The following PHACTR3 variants were observed in gnomAD, a reference collection of about 807,000 sequenced individuals.
PHACTR3 encodes protein phosphatase 1, regulatory subunit 123.
A neutral mutation model predicts 66.8 loss-of-function variants in PHACTR3; 16 were observed. The observed-to-expected ratio is 0.24, with a 90% CI of 0.16 to 0.36. The LOEUF (loss-of-function observed/expected upper bound fraction) is 0.36. PHACTR3 is among the 10% of genes least tolerant of loss of function. The pLI, the probability that PHACTR3 is intolerant of heterozygous loss-of-function variation, is 1.00. For synonymous variants in PHACTR3, 323 were observed against 292.1 expected, an observed-to-expected ratio of 1.11 and a Z score of -1.08; for missense variants, 647 against 719.9, an observed-to-expected ratio of 0.90 and a Z score of 1.16.
chr20:59,834,592 AC>A (rs1226799519), intron 8 of PHACTR3, among the ~76,000 whole-genome samples: 2 of 152,068 alleles, frequency 1.3e-5, no homozygotes, highest in Non-Finnish European at 2.9e-5. Flanking sequence ...TGCCTTGATT[AC>A]CCACCCCCAT....
chr20:59,644,288 T>C (rs996483749), intron 1 of PHACTR3, among the ~76,000 whole-genome samples: 1 of 152,210 alleles, frequency 6.6e-6, no homozygotes, highest in African/African-American at 2.4e-5. Flanking sequence ...GGTTATAAAA[T>C]TATTTGATTG....
At chr20:59,593,199 G>A (rs2033235985) in intron 1 of PHACTR3, among the ~76,000 whole-genome samples, 1 of 152,188 alleles carries the variant, frequency 6.6e-6, no homozygotes, top group Non-Finnish European at 1.5e-5. Flanking sequence ...TGGCCATTCT[G>A]ATGGGTGTGC....
chr20:59,846,555 T>C (rs1048237007), intron 12 of PHACTR3, among the ~76,000 whole-genome samples: 1 of 152,170 alleles, frequency 6.6e-6, no homozygotes, highest in African/African-American at 2.4e-5. Context: ...TATTGCAATC[T>C]CAATTTTGTA....
At chr20:59,673,049 G>A (rs148156429) in intron 1 of PHACTR3, among the ~76,000 whole-genome samples, 1 of 152,232 alleles carries the variant, frequency 6.6e-6, no homozygotes, top group African/African-American at 2.4e-5. Context: ...CAATCTGAGG[G>A]CAGGAGGGTA....
intron 2 of PHACTR3, among the ~76,000 whole-genome samples, chr20:59,743,879 C>T (rs2039268104): frequency 6.6e-6 from 1 of 152,256 alleles, no homozygotes; most frequent in East Asian, 1.9e-4. Context: ...TTCCCTACAC[C>T]CTCCCACCAA....
intron 7 of PHACTR3, among the ~76,000 whole-genome samples, chr20:59,786,721 G>T (rs1252755680): frequency 1.3e-5 from 2 of 151,396 alleles, no homozygotes; most frequent in Non-Finnish European, 3.0e-5. Flanking sequence ...TCTCTGTGCA[G>T]TTGACGGGTG....
At chr20:59,801,257 T>C (rs1437054202) in intron 7 of PHACTR3, among the ~76,000 whole-genome samples, 4 of 152,200 alleles carry the variant, frequency 2.6e-5, no homozygotes, top group Non-Finnish European at 5.9e-5. Context: ...GGCAACTCTC[T>C]AGAGGCAGTA....
chr20:59,655,084 T>C (rs6070895), intron 1 of PHACTR3, among the ~76,000 whole-genome samples: 18,056 of 152,106 alleles, frequency 0.12, 1,216 homozygotes, highest in East Asian at 0.25. Context: ...TTTAATTGTG[T>C]AAATTATAAA....
intron 1 of PHACTR3, among the ~76,000 whole-genome samples, chr20:59,686,847 G>A (rs561017882): frequency 4.0e-5 from 6 of 150,918 alleles, no homozygotes; most frequent in South Asian, 4.2e-4. Flanking sequence ...TGATGGTGAT[G>A]ATGGTGATGA....
intron 6 of PHACTR3, among the ~76,000 whole-genome samples, chr20:59,773,838 C>T (rs2040437523): frequency 6.6e-6 from 1 of 152,220 alleles, no homozygotes; most frequent in African/African-American, 2.4e-5. Context: ...GTAAGGCAGC[C>T]TGTGCCTGCA....
intron 1 of PHACTR3, among the ~76,000 whole-genome samples, chr20:59,724,022 C>T (rs1021335519): frequency 9.2e-5 from 14 of 152,140 alleles, no homozygotes; most frequent in African/African-American, 3.1e-4. Context: ...CTTGCCCACA[C>T]CTTTTATTGA....
At chr20:59,774,905 CAAGT>C (rs1318031145) in intron 7 of PHACTR3, among the ~76,000 whole-genome samples, 1 of 151,676 alleles carries the variant, frequency 6.6e-6, no homozygotes, top group African/African-American at 2.4e-5. Context: ...AAAACTGTAA[CAAGT>C]AAAGCAGGAC....
chr20:59,825,547 A>G (rs11907689), intron 8 of PHACTR3, among the ~76,000 whole-genome samples: 15,965 of 152,156 alleles, frequency 0.1, 1,173 homozygotes, highest in African/African-American at 0.21. Context: ...TGCAGTTCTT[A>G]CCATTGAGGT....
chr20:59,832,021 G>A (rs2042399163), intron 8 of PHACTR3, among the ~76,000 whole-genome samples: 1 of 152,138 alleles, frequency 6.6e-6, no homozygotes, highest in Non-Finnish European at 1.5e-5. Flanking sequence ...GGCCTGTGAT[G>A]CATGCCTCTG....
chr20:59,772,911 G>T (rs2040404787), intron 5 of PHACTR3, among the ~76,000 whole-genome samples: 1 of 152,188 alleles, frequency 6.6e-6, no homozygotes, highest in South Asian at 2.1e-4. Context: ...AGGCTGAAGG[G>T]TGGCTGCACA....
At chr20:59,788,164 T>C (rs1032752092) in intron 7 of PHACTR3, among the ~76,000 whole-genome samples, 4 of 152,222 alleles carry the variant, frequency 2.6e-5, no homozygotes, top group Non-Finnish European at 5.9e-5. Flanking sequence ...CTTTGCATTC[T>C]CATAGCTTAG....
At chr20:59,782,984 T>C (rs895897726) in intron 7 of PHACTR3, among the ~76,000 whole-genome samples, 2 of 152,222 alleles carry the variant, frequency 1.3e-5, no homozygotes, top group African/African-American at 4.8e-5. Context: ...CTTTCCCCAG[T>C]AGACATACTT....
chr20:59,620,750 G>T (rs2034201351), intron 1 of PHACTR3, among the ~76,000 whole-genome samples: 1 of 152,170 alleles, frequency 6.6e-6, no homozygotes, highest in Non-Finnish European at 1.5e-5. Context: ...CCTTGAGACT[G>T]TCAGACATCG....
At chr20:59,577,516 G>A (rs1205967980) in exon 1 of PHACTR3, 1 of 1,130,582 alleles carries the variant, frequency 8.8e-7, no homozygotes, top group Non-Finnish European at 1.1e-6. Context: ...GGGATGCGTG[G>A]CCGTGGCGGG....
Sources: allele counts gnomAD v4.1 joint callset (sites outside exome capture counted in the v4.1 genomes callset), GRCh38; gene constraint gnomAD v4.1.1; transcripts MANE v1.5; gene names NCBI Gene and HGNC (gene_info 2026-07-23, HGNC 2026-07-21).